TARS2: variants seen among roughly 807,000 people sequenced by gnomAD.
TARS2 encodes the protein threonine--tRNA ligase, mitochondrial.
TARS2 carries 61 observed loss-of-function variants against 94.4 expected under a neutral mutation model. The observed-to-expected ratio is 0.65, with a 90% confidence interval of 0.53 to 0.80. The LOEUF (loss-of-function observed/expected upper bound fraction) is 0.80, where lower values mean the gene tolerates loss of function less well. TARS2 is among the 30% of genes least tolerant of loss of function. TARS2 has a pLI of 0.00. For synonymous variants in TARS2, 359 were observed against 353.4 expected, an observed-to-expected ratio of 1.02 and a Z score of -0.18; for missense variants, 704 against 902.5, an observed-to-expected ratio of 0.78 and a Z score of 2.82.
chr1:150,502,543 A>G (rs1341469139), intron 13 of TARS2, among the ~76,000 whole-genome samples: 4 of 151,724 alleles, frequency 2.6e-5, no homozygotes, highest in African/African-American at 9.7e-5. Flanking sequence ...CCGCTACCAC[A>G]CCAGCTAATT....
rs1450733483 is a variant in TARS2 at position 150,507,117 on chromosome 1, C to T, written c.*53C>T. 2 of 1,604,710 alleles carry T rather than the reference C, an allele frequency of 1.2e-6. No individual in the cohort carries two copies. The highest frequency in any genetic ancestry group is 2.7e-5 in the African/African-American group (2 of 74,838). ...CTGCGAGTGCCATCAGCCTCCCTCA[C>T]ATGGGAGACCCCAACCCAGCTGACA... On this transcript the variant is annotated 3_prime_UTR_variant, in exon 18 of 18. Transcript: ENST00000369064.
intron 7 of TARS2, among the ~76,000 whole-genome samples, chr1:150,493,708 G>A (rs934890575): frequency 6.6e-6 from 1 of 151,554 alleles, no homozygotes; most frequent in African/African-American, 2.4e-5. Flanking sequence ...ATCCAAGATC[G>A]TGCCATTGCA....
intron 5 of TARS2, 40 bp from the exon 6 acceptor site, chr1:150,491,558 A>T: frequency 6.2e-7 from 1 of 1,614,110 alleles, no homozygotes; most frequent in Non-Finnish European, 8.5e-7. Context: ...CTTTGTGGGA[A>T]TAAACACTTT....
At chr1:150,492,613 C>T in intron 7 of TARS2, 124 bp downstream of exon 7, 1 of 956,188 alleles carries the variant, frequency 1.0e-6, no homozygotes, top group Non-Finnish European at 1.6e-6. Context: ...AGTTTGAGAC[C>T]AGCCTGGCCA....
At chr1:150,498,157 C>T (rs1042187433) in intron 10 of TARS2, among the ~76,000 whole-genome samples, 7 of 151,854 alleles carry the variant, frequency 4.6e-5, no homozygotes, top group African/African-American at 1.7e-4. Flanking sequence ...AGCCTACAGT[C>T]TTCCCCCTAG....
chr1:150,491,837 C>G, intron 6 of TARS2, 175 bp downstream of exon 6: 1 of 650,510 alleles, frequency 1.5e-6, no homozygotes. Context: ...GTCTGTCTCC[C>G]AGGCTGGAGT....
At chr1:150,493,235 C>G (rs998249357) in intron 7 of TARS2, among the ~76,000 whole-genome samples, 1 of 151,980 alleles carries the variant, frequency 6.6e-6, no homozygotes, top group Admixed American at 6.6e-5. Context: ...TCTAAAAACC[C>G]GTTTGATGGC....
chr1:150,493,421 C>T (rs7548450), intron 7 of TARS2, among the ~76,000 whole-genome samples: 3,916 of 152,146 alleles, frequency 0.026, 165 homozygotes, highest in African/African-American at 0.089. Context: ...CACCATTTGA[C>T]AGGCACAGGG....
intron 7 of TARS2, among the ~76,000 whole-genome samples, chr1:150,492,992 C>T (rs989106298): frequency 1.3e-5 from 2 of 151,406 alleles, no homozygotes; most frequent in African/African-American, 2.4e-5. Flanking sequence ...AAGCAATTCT[C>T]CTGCTTCAGC....
intron 1 of TARS2, 149 bp from the exon 2 acceptor site, chr1:150,487,709 C>A: frequency 8.0e-7 from 1 of 1,257,026 alleles, no homozygotes; most frequent in Non-Finnish European, 1.1e-6. Context: ...GCTCGAAGGA[C>A]CCCCAGCCTA....
intron 13 of TARS2, among the ~76,000 whole-genome samples, chr1:150,500,724 C>T (rs933766839): frequency 5.9e-5 from 9 of 151,522 alleles, no homozygotes; most frequent in East Asian, 1.9e-4. Flanking sequence ...ATTAGCCCAG[C>T]GTGGTGACAG....
At chr1:150,506,870 T>C (rs1273973400) in intron 17 of TARS2, 46 bp from the exon 18 acceptor site, 1 of 1,611,340 alleles carries the variant, frequency 6.2e-7, no homozygotes, top group Non-Finnish European at 8.5e-7. Flanking sequence ...AACTGTTCCA[T>C]GTGGGTGAAT....
At position 150,507,139 on chromosome 1, in the gene TARS2, G is replaced by A. The variant is rs746103839; in HGVS notation, c.*75G>A. 8 of 1,580,462 alleles carry A rather than the reference G, an allele frequency of 5.1e-6. No homozygotes were observed. The highest frequency in any genetic ancestry group is 6.0e-6 in the Non-Finnish European group (7 of 1,160,578). ...TCACATGGGAGACCCCAACCCAGCT[G>A]ACAATGTGGAGCCCCCAGAACTTCA... On this transcript the variant is annotated 3_prime_UTR_variant, in exon 18 of 18. Transcript: ENST00000369064.
intron 13 of TARS2, among the ~76,000 whole-genome samples, chr1:150,500,647 G>A (rs1669870150): frequency 6.6e-6 from 1 of 151,976 alleles, no homozygotes; most frequent in African/African-American, 2.4e-5. Context: ...AGCACTTTGG[G>A]AGGCTGAGGC....
Position 150,487,966 on chromosome 1 carries a change from C to A in TARS2, c.175C>A (p.Arg59=). 2 of 1,614,058 alleles carry A rather than the reference C, an allele frequency of 1.2e-6. No homozygotes were observed. Among genetic ancestry groups the A allele is most frequent in the South Asian group, 2.2e-5 (2 of 91,072 alleles). Residue 59 remains arginine, a synonymous_variant, in exon 2 of 18, where the codon CGG becomes AGG. Coordinates refer to ENST00000369064, the MANE Select transcript of TARS2 (RefSeq NM_025150.5). ...AGCAAGCATGGCACAGAAGGAACCCCGGACTATTAAGATATCACTTCCTGG... is the reference window on the plus strand; with the variant it reads ...AGCAAGCATGGCACAGAAGGAACCCAGGACTATTAAGATATCACTTCCTGG... The part of the protein sequence containing the change: ...RLASMAQKEP[R]TIKISLPGGQ...
chr1:150,500,446 C>T (rs978604232), intron 13 of TARS2, among the ~76,000 whole-genome samples: 4 of 151,724 alleles, frequency 2.6e-5, no homozygotes, highest in Non-Finnish European at 5.9e-5. Flanking sequence ...AAAAATTGGC[C>T]GGGTGAGGTG....
intron 3 of TARS2, chr1:150,489,440 C>T (rs929887130): frequency 3.0e-6 from 1 of 330,978 alleles, no homozygotes; most frequent in Non-Finnish European, 5.8e-6. Context: ...AGCAAACAAC[C>T]TGGTCACCTC....
Position 150,498,566 on chromosome 1 carries a change from G to A in TARS2, c.1303G>A (p.Ala435Thr). ...ELPLRLADFG[A>T]LHRAEASGGL... The stretch of plus-strand genomic sequence containing the variant: ...GCCCCTGCGACTAGCTGACTTTGGG[G>A]CTCTACACCGGGCCGAAGCCTCTGG... Residue 435 changes from alanine (A) to threonine (T), a missense_variant, in exon 11 of 18, where the codon GCT becomes ACT. Transcript: ENST00000369064. 1 of 1,607,740 alleles carries A rather than the reference G, an allele frequency of 6.2e-7. No individual in the cohort carries two copies. Among genetic ancestry groups the A allele is most frequent in the South Asian group, 1.1e-5 (1 of 90,060 alleles).
In TARS2 at chr1:150,491,606, C is replaced by T. The variant is rs1459206007; in HGVS notation, c.639C>T (p.Pro213=). 1.2e-6 allele frequency: 2 copies of T among 1,614,112 alleles called. No individual in the cohort carries two copies. Among genetic ancestry groups the T allele is most frequent in the South Asian group, 2.2e-5 (2 of 91,070 alleles). ...CTTCTACCTTTTTCCAGGATAACCC[C>T]TTTAAGCTTCACTTGATTGAGGAGA... ...DQLRQLFKDN[P]FKLHLIEEKV... The change falls in exon 6 of 18, where the codon CCC becomes CCT. Residue 213 remains proline, a synonymous_variant. Coordinates refer to ENST00000369064, the MANE Select transcript of TARS2 (RefSeq NM_025150.5).
Sources: gnomAD v4.1 joint callset for allele counts (sites outside exome capture counted in the v4.1 genomes callset) on GRCh38, gnomAD v4.1.1 for gene constraint, MANE v1.5 for transcripts, NCBI Gene and HGNC (gene_info 2026-07-23, HGNC 2026-07-21) for gene names.